Variants in TENM3 observed in about 807,000 individuals in gnomAD.
TENM3 encodes the protein teneurin-3.
Under a neutral mutation model 255.1 loss-of-function variants are expected in TENM3, and 63 were observed. The observed-to-expected ratio is 0.25, with a 90% CI of 0.20 to 0.30. The LOEUF (loss-of-function observed/expected upper bound fraction) is 0.30. Among genes scored for constraint, TENM3 ranks in the 10% least tolerant of loss-of-function variants. TENM3 has a pLI of 1.00. For missense variants in TENM3, 2,929 were observed against 3,461.1 expected (o/e 0.85, Z 3.86); for synonymous variants, 1,306 against 1,322.3 (o/e 0.99, Z 0.27).
At chr4:182,281,726 T>TTTTA (rs982912291) in intron 1 of TENM3, among the ~76,000 whole-genome samples, 1 of 152,112 alleles carries the variant, frequency 6.6e-6, no homozygotes, top group Non-Finnish European at 1.5e-5. Flanking sequence ...TACATCATCA[T>TTTTA]TTTATTTATT....
At chr4:182,656,851 G>T (rs540498277) in intron 6 of TENM3, among the ~76,000 whole-genome samples, 1 of 152,240 alleles carries the variant, frequency 6.6e-6, no homozygotes, top group South Asian at 2.1e-4. Flanking sequence ...ATGGTATTTA[G>T]TATCTAAAAG....
the TENM3 span, among the ~76,000 whole-genome samples, chr4:181,929,158 G>C: frequency 1.3e-5 from 2 of 152,112 alleles, no homozygotes; most frequent in Non-Finnish European, 2.9e-5. Flanking sequence ...ACAATGACAG[G>C]ATCAAATTCA....
the TENM3 span, among the ~76,000 whole-genome samples, chr4:181,744,928 T>C: frequency 1.3e-5 from 2 of 152,204 alleles, no homozygotes; most frequent in Non-Finnish European, 2.9e-5. Context: ...CCTCTTAGAT[T>C]TCTAATTGCA....
intron 12 of TENM3, among the ~76,000 whole-genome samples, chr4:182,700,492 A>G (rs1757766390): frequency 6.6e-6 from 1 of 152,164 alleles, no homozygotes; most frequent in Admixed American, 6.5e-5. Flanking sequence ...CGTATTTAAC[A>G]TATTCGCAGA....
chr4:181,921,496 A>G, the TENM3 span, among the ~76,000 whole-genome samples: 3 of 152,144 alleles, frequency 2.0e-5, no homozygotes, highest in African/African-American at 7.2e-5. Flanking sequence ...CTTTGAAGCA[A>G]TTGTGAATGG....
At chr4:181,676,989 C>T in the TENM3 span, among the ~76,000 whole-genome samples, 258 of 137,694 alleles carry the variant, frequency 1.9e-3, 1 homozygote, top group African/African-American at 6.6e-3. Flanking sequence ...CCGATTTTAT[C>T]TTTTTTTTTT....
intron 3 of TENM3, among the ~76,000 whole-genome samples, chr4:182,490,143 G>T (rs187717582): frequency 1.1e-4 from 17 of 152,192 alleles, no homozygotes; most frequent in Non-Finnish European, 2.2e-4. Context: ...ACCACCGTTC[G>T]GACAATGTAG....
intron 3 of TENM3, chr4:182,548,909 T>A (rs1741730043): frequency 6.6e-6 from 1 of 150,696 alleles, no homozygotes; most frequent in African/African-American, 2.4e-5. Context: ...TCCCCTACCA[T>A]GGCAACTAGA....
chr4:181,641,552 GTGTATATATA>G, the TENM3 span, among the ~76,000 whole-genome samples: 64 of 21,690 alleles, frequency 3.0e-3, 5 homozygotes, highest in Middle Eastern at 0.038. Flanking sequence ...CATGGTGTGT[GTGTATATATA>G]TATATATATA....
At chr4:181,963,240 A>T in the TENM3 span, among the ~76,000 whole-genome samples, 1 of 152,202 alleles carries the variant, frequency 6.6e-6, no homozygotes, top group Non-Finnish European at 1.5e-5. Flanking sequence ...ATTCAAAATA[A>T]TGCTATATGT....
chr4:182,056,944 G>A, the TENM3 span, among the ~76,000 whole-genome samples: 1 of 151,576 alleles, frequency 6.6e-6, no homozygotes, highest in African/African-American at 2.4e-5. Flanking sequence ...GAAAGAATAT[G>A]TTCAGCTTAC....
chr4:181,892,760 C>T, the TENM3 span, among the ~76,000 whole-genome samples: 7 of 152,194 alleles, frequency 4.6e-5, no homozygotes, highest in African/African-American at 1.2e-4. Flanking sequence ...CATGAGCCCG[C>T]GGTGGTTTTT....
the TENM3 span, among the ~76,000 whole-genome samples, chr4:181,511,361 C>A: frequency 6.6e-6 from 1 of 152,192 alleles, no homozygotes; most frequent in African/African-American, 2.4e-5. Context: ...GGGAAACTTG[C>A]CCAAGGGATC....
At chr4:181,570,226 T>C in the TENM3 span, among the ~76,000 whole-genome samples, 1 of 151,906 alleles carries the variant, frequency 6.6e-6, no homozygotes, top group African/African-American at 2.4e-5. Flanking sequence ...TTTGTATTTT[T>C]AGTAGAGACG....
At chr4:181,604,127 T>C in the TENM3 span, among the ~76,000 whole-genome samples, 51 of 151,624 alleles carry the variant, frequency 3.4e-4, no homozygotes, top group Non-Finnish European at 7.4e-5. Context: ...TAGCCGGGCG[T>C]GGTGGCGGGT....
intron 1 of TENM3, among the ~76,000 whole-genome samples, chr4:182,319,268 G>A (rs751198429): frequency 2.0e-5 from 3 of 152,162 alleles, no homozygotes; most frequent in Non-Finnish European, 2.9e-5. Flanking sequence ...TAACAATTTG[G>A]CATTACTTAA....
intron 3 of TENM3, among the ~76,000 whole-genome samples, chr4:182,369,503 C>T (rs79896444): frequency 1.3e-3 from 201 of 152,326 alleles, no homozygotes; most frequent in African/African-American, 4.7e-3. Context: ...GCTTTTTCAA[C>T]TTAAATGTCC....
chr4:182,416,926 G>T (rs1265998477), intron 3 of TENM3, among the ~76,000 whole-genome samples: 1 of 152,198 alleles, frequency 6.6e-6, no homozygotes, highest in East Asian at 1.9e-4. Flanking sequence ...TTGTTGATAC[G>T]AATGACAAAA....
At chr4:181,464,394 G>A in the TENM3 span, among the ~76,000 whole-genome samples, 1 of 152,168 alleles carries the variant, frequency 6.6e-6, no homozygotes, top group African/African-American at 2.4e-5. Context: ...TTTACCTAAT[G>A]ACGACTGGTG....
Sources: gnomAD v4.1 joint callset for allele counts (sites outside exome capture counted in the v4.1 genomes callset) on GRCh38, gnomAD v4.1.1 for gene constraint, MANE v1.5 for transcripts, NCBI Gene and HGNC (gene_info 2026-07-23, HGNC 2026-07-21) for gene names.